The following ZNF536 variants were observed in gnomAD, a reference collection of about 807,000 sequenced individuals.
ZNF536 encodes zinc finger protein 536.
In ZNF536, 13 loss-of-function variants were observed where a neutral mutation model predicts 84.5. The observed-to-expected ratio is 0.15, with a 90% CI of 0.10 to 0.24. The LOEUF (loss-of-function observed/expected upper bound fraction) is 0.24, where lower values mean the gene tolerates loss of function less well. ZNF536 is among the 10% of genes least tolerant of loss of function. The pLI is 1.00. For synonymous variants in ZNF536, 811 were observed against 742.5 expected (o/e 1.09, Z -1.50); for missense variants, 1,536 against 1,747.5 (o/e 0.88, Z 2.16).
At chr19:30,475,147 C>A (rs1404416429) in intron 2 of ZNF536, among the ~76,000 whole-genome samples, 1 of 152,204 alleles carries the variant, frequency 6.6e-6, no homozygotes, top group African/African-American at 2.4e-5. Flanking sequence ...GTGGCACAAT[C>A]TCAGCTCACT....
chr19:30,399,059 C>T lies in ZNF536; in HGVS notation c.-3+26503C>T, dbSNP rs368010086. Among the ~76,000 whole-genome samples, 222 of 152,290 alleles carry T rather than the reference C, an allele frequency of 1.5e-3. 2 individuals carry two copies. The highest frequency in any genetic ancestry group is 4.9e-3 in the African/African-American group (205 of 41,556). ...CAGTGTAAAAGCATTCCTATTTCTC[C>T]ACATGCTCTCTAACGTGTGTTGTTT... On this transcript the variant is annotated intron_variant, in intron 1 of 4. Coordinates refer to ENST00000355537, the MANE Select transcript of ZNF536 (RefSeq NM_014717.3).
intron 1 of ZNF536, among the ~76,000 whole-genome samples, chr19:30,593,192 G>A (rs1251689817): frequency 2.0e-5 from 3 of 152,076 alleles, no homozygotes; most frequent in Non-Finnish European, 4.4e-5. Context: ...CTTCCATCTC[G>A]CAGCTCCTCC....
chr19:30,502,616 C>T (rs1171543690), intron 2 of ZNF536, among the ~76,000 whole-genome samples: 9 of 152,030 alleles, frequency 5.9e-5, no homozygotes, highest in Admixed American at 5.9e-4. Flanking sequence ...AGCAAAGTAG[C>T]CATCAGGGAC....
At chr19:30,417,796 A>G (rs2050797072) in intron 1 of ZNF536, among the ~76,000 whole-genome samples, 1 of 152,080 alleles carries the variant, frequency 6.6e-6, no homozygotes, top group Non-Finnish European at 1.5e-5. Flanking sequence ...GTCTTGCTCT[A>G]TTGCCCAGGT....
chr19:30,609,123 G>T (rs577182125), intron 1 of ZNF536, among the ~76,000 whole-genome samples: 77 of 152,264 alleles, frequency 5.1e-4, no homozygotes, highest in African/African-American at 1.8e-3. Flanking sequence ...CTATTCAATT[G>T]CTCTCCATGT....
intron 2 of ZNF536, among the ~76,000 whole-genome samples, chr19:30,466,584 A>AACAAAGAGAGAGAG (rs2053406480): frequency 6.9e-6 from 1 of 144,374 alleles, no homozygotes; most frequent in Non-Finnish European, 1.5e-5. Context: ...GAAAGAAAGA[A>AACAAAGAGAGAGAG]AGAGAGAGAG....
intron 1 of ZNF536, among the ~76,000 whole-genome samples, chr19:30,439,255 C>G (rs1351908230): frequency 6.6e-6 from 1 of 152,200 alleles, no homozygotes; most frequent in African/African-American, 2.4e-5. Context: ...AGGGACCTTT[C>G]ATTGCTCCCT....
intron 1 of ZNF536, among the ~76,000 whole-genome samples, chr19:30,677,859 C>A (rs1275116030): frequency 6.6e-6 from 1 of 152,098 alleles, no homozygotes; most frequent in Non-Finnish European, 1.5e-5. Context: ...GAATGGGAGT[C>A]TCTGCCCAGG....
intron 1 of ZNF536, among the ~76,000 whole-genome samples, chr19:30,417,886 A>C (rs941552161): frequency 1.3e-5 from 2 of 152,044 alleles, no homozygotes; most frequent in African/African-American, 4.8e-5. Context: ...CAGCCTCCCA[A>C]ATAGGTGACA....
At chr19:30,572,135 G>A (rs1410454110) in intron 1 of ZNF536, among the ~76,000 whole-genome samples, 1 of 152,160 alleles carries the variant, frequency 6.6e-6, no homozygotes, top group Admixed American at 6.5e-5. Context: ...CATGCCTTTG[G>A]ATTTGTGTAG....
chr19:30,493,536 G>T (rs946370503), intron 2 of ZNF536, among the ~76,000 whole-genome samples: 2 of 152,178 alleles, frequency 1.3e-5, no homozygotes, highest in African/African-American at 4.8e-5. Context: ...AGAGAAAGAA[G>T]AAAAACAAAT....
chr19:30,481,549 A>G (rs1481575448), intron 2 of ZNF536, among the ~76,000 whole-genome samples: 1 of 152,260 alleles, frequency 6.6e-6, no homozygotes, highest in Non-Finnish European at 1.5e-5. Flanking sequence ...GTTCGTGATG[A>G]ATTACAAACA....
intron 1 of ZNF536, among the ~76,000 whole-genome samples, chr19:30,624,081 C>T (rs946921674): frequency 4.6e-5 from 7 of 152,170 alleles, no homozygotes; most frequent in Middle Eastern, 3.4e-3. Context: ...ACTTGTCTGG[C>T]GTATTGTGGG....
chr19:30,450,687 A>G (rs2052562901), intron 2 of ZNF536, among the ~76,000 whole-genome samples: 1 of 152,260 alleles, frequency 6.6e-6, no homozygotes, highest in Non-Finnish European at 1.5e-5. Flanking sequence ...GGAACTTGAA[A>G]TTAGTCAATT....
In ZNF536 at chr19:30,504,837, G is replaced by A. The variant is rs559791156; in HGVS notation, c.2171-30010G>A. ...GAGACCTAAAGAAGCTGTGACCTGG[G>A]GCGCCATTTCCGATGAGGATGTTAT... On this transcript the variant is annotated intron_variant, in intron 2 of 4. Coordinates refer to ENST00000355537, the MANE Select transcript of ZNF536 (RefSeq NM_014717.3). Among the ~76,000 whole-genome samples the A allele has an allele frequency of 1.4e-3, 214 of 152,084 alleles. 1 individual carries two copies. The highest frequency in any genetic ancestry group is 3.4e-3 in the Middle Eastern group (1 of 294).
At chr19:30,229,732 C>T (rs1164211585) in intron 1 of ZNF536, among the ~76,000 whole-genome samples, 1 of 152,218 alleles carries the variant, frequency 6.6e-6, no homozygotes, top group African/African-American at 2.4e-5. Flanking sequence ...CACCATTAAC[C>T]GCCTGGCTGA....
At chr19:30,594,944 G>C (rs924863382) in intron 1 of ZNF536, among the ~76,000 whole-genome samples, 3 of 152,136 alleles carry the variant, frequency 2.0e-5, no homozygotes, top group African/African-American at 4.8e-5. Context: ...AGCCATGCCT[G>C]TGTGCTCAGT....
At chr19:30,641,102 C>T (rs887831810) in intron 1 of ZNF536, among the ~76,000 whole-genome samples, 6 of 152,144 alleles carry the variant, frequency 3.9e-5, no homozygotes, top group African/African-American at 1.4e-4. Flanking sequence ...AACATTTTAC[C>T]ATGTTCGTGA....
At chr19:30,662,962 CTTTTTTTT>C (rs951081577) in intron 1 of ZNF536, among the ~76,000 whole-genome samples, 11 of 78,756 alleles carry the variant, frequency 1.4e-4, no homozygotes, top group African/African-American at 1.9e-4. Context: ...TTTTTCGTTT[CTTTTTTTT>C]TTTTTTTTTT....
Sources: gnomAD v4.1 joint callset for allele counts (sites outside exome capture counted in the v4.1 genomes callset) on GRCh38, gnomAD v4.1.1 for gene constraint, MANE v1.5 for transcripts, NCBI Gene and HGNC (gene_info 2026-07-23, HGNC 2026-07-21) for gene names.